TRIM33: variants seen among roughly 807,000 people sequenced by gnomAD.
The protein encoded by TRIM33 is E3 ubiquitin-protein ligase TRIM33.
Under a neutral mutation model 125.4 loss-of-function variants are expected in TRIM33, and 20 were observed. The observed-to-expected ratio is 0.16, with a 90% CI of 0.11 to 0.23. The LOEUF (loss-of-function observed/expected upper bound fraction) is 0.23. Among genes scored for constraint, TRIM33 ranks in the 10% least tolerant of loss-of-function variants. The pLI is 1.00. For synonymous variants in TRIM33, 564 were observed against 513.9 expected (o/e 1.10, Z -1.32); for missense variants, 920 against 1,411.4 (o/e 0.65, Z 5.58).
intron 1 of TRIM33, among the ~76,000 whole-genome samples, chr1:114,481,655 GTGTGTGTATATATA>G (rs1651357128): frequency 1.4e-5 from 2 of 142,282 alleles, no homozygotes; most frequent in African/African-American, 2.7e-5. Flanking sequence ...GTGTGTGTGT[GTGTGTGTATATATA>G]TGTGTGTATA....
chr1:114,428,537 A>G (rs912163058), intron 6 of TRIM33, among the ~76,000 whole-genome samples: 1 of 152,210 alleles, frequency 6.6e-6, no homozygotes, highest in African/African-American at 2.4e-5. Context: ...TGTCCTACAT[A>G]CTTTTGACAT....
chr1:114,416,552 C>T (rs545855915), intron 11 of TRIM33, among the ~76,000 whole-genome samples: 1 of 152,292 alleles, frequency 6.6e-6, no homozygotes, highest in Admixed American at 6.5e-5. Flanking sequence ...GTTGTGCCTT[C>T]TCACTCCCTC....
intron 1 of TRIM33, among the ~76,000 whole-genome samples, chr1:114,480,771 T>C (rs917079312): frequency 6.6e-6 from 1 of 152,056 alleles, no homozygotes; most frequent in African/African-American, 2.4e-5. Context: ...TCCAACTATA[T>C]ATCCTCTGAA....
intron 1 of TRIM33, among the ~76,000 whole-genome samples, chr1:114,466,560 A>G (rs539073090): frequency 3.7e-4 from 56 of 152,158 alleles, no homozygotes; most frequent in Non-Finnish European, 7.5e-4. Flanking sequence ...CTGGTGTCCA[A>G]GTAGCTGATT....
intron 11 of TRIM33, among the ~76,000 whole-genome samples, chr1:114,410,839 G>A (rs1652536636): frequency 6.6e-6 from 1 of 151,874 alleles, no homozygotes; most frequent in Non-Finnish European, 1.5e-5. Context: ...GAGGCAGTAC[G>A]ATAAAGCCAG....
intron 4 of TRIM33, among the ~76,000 whole-genome samples, chr1:114,452,263 C>A (rs1470692039): frequency 6.6e-6 from 1 of 152,034 alleles, no homozygotes; most frequent in African/African-American, 2.4e-5. Flanking sequence ...AGATTGAGAC[C>A]ATCCTGGCCA....
intron 4 of TRIM33, among the ~76,000 whole-genome samples, chr1:114,452,955 C>T (rs1031965133): frequency 2.6e-5 from 4 of 151,724 alleles, no homozygotes; most frequent in South Asian, 2.1e-4. Flanking sequence ...ACTCAATAAG[C>T]GTATAAGAAA....
intron 1 of TRIM33, among the ~76,000 whole-genome samples, chr1:114,499,612 C>G (rs1023225710): frequency 3.3e-5 from 5 of 152,238 alleles, no homozygotes; most frequent in African/African-American, 4.8e-5. Flanking sequence ...AACTAAAAGT[C>G]TGCTTCAGTA....
intron 4 of TRIM33, among the ~76,000 whole-genome samples, chr1:114,449,876 A>T (rs533097215): frequency 6.6e-6 from 1 of 152,176 alleles, no homozygotes; most frequent in South Asian, 2.1e-4. Context: ...TCTTCACAGG[A>T]TCCTCAGTTT....
chr1:114,483,350 A>G (rs1005492845), intron 1 of TRIM33, among the ~76,000 whole-genome samples: 1 of 152,026 alleles, frequency 6.6e-6, no homozygotes. Context: ...AGACATAGAA[A>G]AACTCAATCT....
At chr1:114,407,148 A>G in intron 13 of TRIM33, 48 bp from the exon 14 acceptor site, 2 of 1,487,764 alleles carry the variant, frequency 1.3e-6, no homozygotes, top group Middle Eastern at 1.8e-4. Context: ...ACTATATGGT[A>G]TAAATAAAAA....
At chr1:114,495,288 C>A (rs1353424839) in intron 1 of TRIM33, among the ~76,000 whole-genome samples, 2 of 152,100 alleles carry the variant, frequency 1.3e-5, no homozygotes. Context: ...TAGTTACTTT[C>A]CTAGTTCCTG....
intron 1 of TRIM33, among the ~76,000 whole-genome samples, chr1:114,499,281 C>T (rs1322596241): frequency 6.6e-6 from 1 of 152,070 alleles, no homozygotes; most frequent in Non-Finnish European, 1.5e-5. Flanking sequence ...ATGGGGAAGA[C>T]ATGGGAGCCT....
intron 4 of TRIM33, chr1:114,460,317 GA>G: frequency 6.3e-6 from 1 of 159,038 alleles, no homozygotes; most frequent in Non-Finnish European, 1.4e-5. Flanking sequence ...AGTAAGAAAG[GA>G]AAAGGCCAAA....
At chr1:114,506,041 C>G (rs1652980503) in intron 1 of TRIM33, among the ~76,000 whole-genome samples, 2 of 152,132 alleles carry the variant, frequency 1.3e-5, no homozygotes, top group Admixed American at 1.3e-4. Flanking sequence ...ATTGCAAGAC[C>G]TGGAGAGACT....
chr1:114,485,874 A>G (rs1238939573), intron 1 of TRIM33, among the ~76,000 whole-genome samples: 1 of 152,246 alleles, frequency 6.6e-6, no homozygotes, highest in Non-Finnish European at 1.5e-5. Context: ...CAGGAAAATC[A>G]TAACTGACAA....
intron 1 of TRIM33, among the ~76,000 whole-genome samples, chr1:114,496,295 A>G (rs1215313905): frequency 6.6e-6 from 1 of 152,238 alleles, no homozygotes; most frequent in East Asian, 1.9e-4. Context: ...TTAGCATTCT[A>G]TTAATAAACC....
At chr1:114,460,529 T>A (rs187119983) in intron 4 of TRIM33, among the ~76,000 whole-genome samples, 6 of 150,510 alleles carry the variant, frequency 4.0e-5, no homozygotes, top group Admixed American at 2.7e-4. Flanking sequence ...CCTGTTTCAA[T>A]TGGCATGATA....
At chr1:114,484,057 G>A (rs1047224495) in intron 1 of TRIM33, among the ~76,000 whole-genome samples, 2 of 152,174 alleles carry the variant, frequency 1.3e-5, no homozygotes. Flanking sequence ...AAGAAAAGAT[G>A]TTAAGCAGGC....
Sources: allele counts gnomAD v4.1 joint callset (sites outside exome capture counted in the v4.1 genomes callset), GRCh38; gene constraint gnomAD v4.1.1; transcripts MANE v1.5; gene names NCBI Gene and HGNC (gene_info 2026-07-23, HGNC 2026-07-21).